GALNT17: variants seen among roughly 807,000 people sequenced by gnomAD.
GALNT17 encodes UDP-GalNAc:polypeptide N-acetylgalactosaminyltransferase-like 3.
Under a neutral mutation model 63.7 loss-of-function variants are expected in GALNT17, and 29 were observed. That is an observed-to-expected ratio of 0.46 (90% CI 0.34 to 0.62). The LOEUF (loss-of-function observed/expected upper bound fraction) is 0.62, where lower values mean the gene tolerates loss of function less well. Ranked by LOEUF, GALNT17 falls within the 20% of genes least tolerant of loss-of-function variation. The pLI, the probability that GALNT17 is intolerant of heterozygous loss-of-function variation, is 0.01. For missense variants in GALNT17, 603 were observed against 799.6 expected (o/e 0.75, Z 2.97); for synonymous variants, 305 against 318.3 (o/e 0.96, Z 0.45).
chr7:71,372,750 C>A (rs573159476), intron 2 of GALNT17, among the ~76,000 whole-genome samples: 1 of 152,208 alleles, frequency 6.6e-6, no homozygotes, highest in Non-Finnish European at 1.5e-5. Context: ...CCACTGCCCC[C>A]GGCCATAATT....
At chr7:71,623,028 C>T (rs1033479854) in intron 6 of GALNT17, among the ~76,000 whole-genome samples, 1 of 152,158 alleles carries the variant, frequency 6.6e-6, no homozygotes, top group African/African-American at 2.4e-5. Context: ...GGTATTTGGC[C>T]TACATCACAA....
chr7:71,325,125 C>A (rs1182260273), intron 1 of GALNT17, among the ~76,000 whole-genome samples: 2 of 152,186 alleles, frequency 1.3e-5, no homozygotes, highest in East Asian at 3.9e-4. Flanking sequence ...GCTCCTCAAA[C>A]CCCCAGGAGT....
At chr7:71,699,090 T>C (rs1293049711) in intron 9 of GALNT17, among the ~76,000 whole-genome samples, 3 of 141,496 alleles carry the variant, frequency 2.1e-5, no homozygotes, top group Admixed American at 7.9e-5. Context: ...GAGAATTGCT[T>C]GAACCAGGGA....
At chr7:71,297,293 A>G (rs1791099946) in intron 1 of GALNT17, among the ~76,000 whole-genome samples, 1 of 152,200 alleles carries the variant, frequency 6.6e-6, no homozygotes, top group South Asian at 2.1e-4. Context: ...CTGTAATCCC[A>G]GCACTTTGGG....
chr7:71,134,186 T>G (rs535523296), intron 1 of GALNT17, among the ~76,000 whole-genome samples: 37 of 152,296 alleles, frequency 2.4e-4, no homozygotes, highest in African/African-American at 8.7e-4. Flanking sequence ...GTAATCGGAA[T>G]AATAATAGAG....
chr7:71,293,925 C>A (rs933562449), intron 1 of GALNT17, among the ~76,000 whole-genome samples: 4 of 152,008 alleles, frequency 2.6e-5, no homozygotes, highest in Admixed American at 2.6e-4. Context: ...TTTGGGAGGC[C>A]AAGATGGGTG....
intron 9 of GALNT17, among the ~76,000 whole-genome samples, chr7:71,692,991 G>A (rs1448728713): frequency 2.6e-5 from 4 of 151,200 alleles, no homozygotes; most frequent in South Asian, 2.1e-4. Flanking sequence ...CGCCCACCTC[G>A]GCCTCCCAAA....
chr7:71,169,787 C>G (rs1232371853), intron 1 of GALNT17, among the ~76,000 whole-genome samples: 1 of 151,714 alleles, frequency 6.6e-6, no homozygotes, highest in African/African-American at 2.4e-5. Context: ...AACTCCTGGG[C>G]TCAAGTGATA....
intron 9 of GALNT17, among the ~76,000 whole-genome samples, chr7:71,705,002 A>C (rs1433054480): frequency 6.6e-6 from 1 of 152,214 alleles, no homozygotes; most frequent in Non-Finnish European, 1.5e-5. Context: ...CAAAGAAAAA[A>C]ATAGCTACTT....
intron 9 of GALNT17, among the ~76,000 whole-genome samples, chr7:71,689,326 C>T (rs1791408316): frequency 6.6e-6 from 1 of 152,088 alleles, no homozygotes; most frequent in Non-Finnish European, 1.5e-5. Context: ...AAATAATTTG[C>T]CAAGTTATGA....
intron 6 of GALNT17, among the ~76,000 whole-genome samples, chr7:71,589,405 C>G (rs1229096236): frequency 2.0e-5 from 3 of 152,008 alleles, no homozygotes; most frequent in Non-Finnish European, 4.4e-5. Context: ...TAGGGAGACC[C>G]GTCTCTACAA....
intron 6 of GALNT17, among the ~76,000 whole-genome samples, chr7:71,606,218 G>A (rs1464930975): frequency 2.0e-5 from 3 of 150,402 alleles, no homozygotes; most frequent in African/African-American, 7.4e-5. Flanking sequence ...GTCTCCTGAA[G>A]TGTTGGGATT....
intron 5 of GALNT17, among the ~76,000 whole-genome samples, chr7:71,426,877 C>T (rs1786769547): frequency 6.7e-6 from 1 of 150,236 alleles, no homozygotes; most frequent in Non-Finnish European, 1.5e-5. Context: ...CAAGATCATA[C>T]CACCTGCACT....
chr7:71,524,284 A>T (rs1788588920), intron 5 of GALNT17, among the ~76,000 whole-genome samples: 1 of 147,820 alleles, frequency 6.8e-6, no homozygotes, highest in South Asian at 2.1e-4. Flanking sequence ...ATATTATCAT[A>T]TTAGTATATT....
Position 71,132,431 on chromosome 7 carries a change from G to A in GALNT17, c.-372G>A. 6.0e-6 allele frequency: 1 copy of A among 165,630 alleles called. No individual in the cohort carries two copies. 10.3% of individuals were successfully genotyped at this position (165,630 alleles called of 1,614,324 possible). A position where few individuals can be genotyped will look rare whatever the true frequency, so the allele number is the denominator to read the frequency against. On this transcript the variant is annotated 5_prime_UTR_variant, in exon 1 of 11. Coordinates refer to ENST00000333538, the MANE Select transcript of GALNT17 (RefSeq NM_022479.3). Reference sequence around the variant, plus strand: ...TGCCTCCCGGGCAGCCCCGCCTGCCGGCCTCGGAGTCCGCGGCGCCGGCGG... The same window carrying A: ...TGCCTCCCGGGCAGCCCCGCCTGCCAGCCTCGGAGTCCGCGGCGCCGGCGG...
At chr7:71,611,532 C>T (rs1790125523) in intron 6 of GALNT17, among the ~76,000 whole-genome samples, 1 of 152,174 alleles carries the variant, frequency 6.6e-6, no homozygotes. Context: ...AGGAATCTCT[C>T]TGCTCCTCCT....
intron 5 of GALNT17, among the ~76,000 whole-genome samples, chr7:71,478,664 C>G (rs750974325): frequency 6.6e-6 from 1 of 152,090 alleles, no homozygotes; most frequent in African/African-American, 2.4e-5. Context: ...TCACTGCCTC[C>G]CTTGTAGCTA....
intron 2 of GALNT17, among the ~76,000 whole-genome samples, chr7:71,336,271 C>G (rs984747331): frequency 3.9e-4 from 60 of 152,118 alleles, no homozygotes; most frequent in African/African-American, 1.4e-3. Context: ...TCTCGAACTC[C>G]TGACCTCAGG....
At chr7:71,146,123 C>T (rs567937446) in intron 1 of GALNT17, among the ~76,000 whole-genome samples, 2 of 152,168 alleles carry the variant, frequency 1.3e-5, no homozygotes, top group African/African-American at 2.4e-5. Context: ...GCGGTGGAGA[C>T]GGGTGGATGG....
Sources: allele counts gnomAD v4.1 joint callset (sites outside exome capture counted in the v4.1 genomes callset), GRCh38; gene constraint gnomAD v4.1.1; transcripts MANE v1.5; gene names NCBI Gene and HGNC (gene_info 2026-07-23, HGNC 2026-07-21).